The following ESRRG variants were observed in gnomAD, a reference collection of about 807,000 sequenced individuals.
ESRRG encodes estrogen-related receptor gamma.
ESRRG carries 13 observed loss-of-function variants against 44.0 expected under a neutral mutation model. The observed-to-expected ratio is 0.30, with a 90% CI of 0.19 to 0.47. The LOEUF (loss-of-function observed/expected upper bound fraction) is 0.47. Ranked by LOEUF, ESRRG falls within the 20% of genes least tolerant of loss-of-function variation. The probability of loss-of-function intolerance (pLI) is 1.00; values close to 1 mark genes in which losing one functional copy is unlikely to be tolerated. For missense variants in ESRRG, 395 were observed against 580.6 expected, an observed-to-expected ratio of 0.68 and a Z score of 3.29; for synonymous variants, 215 against 214.6, an observed-to-expected ratio of 1.00 and a Z score of -0.02.
intron 1 of ESRRG, among the ~76,000 whole-genome samples, chr1:216,988,817 A>C (rs1181245193): frequency 2.0e-5 from 3 of 152,150 alleles, no homozygotes; most frequent in Non-Finnish European, 2.9e-5. Context: ...TTAGTCATTT[A>C]CCACAGCCCC....
At chr1:217,105,198 A>C (rs561264471) in intron 1 of ESRRG, among the ~76,000 whole-genome samples, 1 of 152,274 alleles carries the variant, frequency 6.6e-6, no homozygotes, top group African/African-American at 2.4e-5. Flanking sequence ...CTGGTATCCT[A>C]ACTTCAATAA....
chr1:217,131,500 T>G (rs1488396526), intron 1 of ESRRG, among the ~76,000 whole-genome samples: 1 of 152,240 alleles, frequency 6.6e-6, no homozygotes, highest in African/African-American at 2.4e-5. Context: ...CAAACATATC[T>G]GGTTCATGTG....
intron 2 of ESRRG, among the ~76,000 whole-genome samples, chr1:216,824,589 A>G (rs1479119262): frequency 1.3e-5 from 2 of 152,024 alleles, no homozygotes; most frequent in Non-Finnish European, 2.9e-5. Flanking sequence ...TCTCCAACAT[A>G]CTAAGTTATA....
chr1:216,996,719 T>C (rs908401735), intron 1 of ESRRG, among the ~76,000 whole-genome samples: 11 of 152,104 alleles, frequency 7.2e-5, no homozygotes, highest in Non-Finnish European at 1.2e-4. Context: ...AAAACACTAT[T>C]ATAGCAATAT....
At chr1:216,804,370 G>A (rs1266039260) in intron 2 of ESRRG, among the ~76,000 whole-genome samples, 1 of 152,128 alleles carries the variant, frequency 6.6e-6, no homozygotes, top group African/African-American at 2.4e-5. Flanking sequence ...TGACAGCAAG[G>A]ATGCCGGCTA....
At chr1:216,853,022 A>C (rs2095865294) in intron 2 of ESRRG, among the ~76,000 whole-genome samples, 1 of 152,170 alleles carries the variant, frequency 6.6e-6, no homozygotes. Context: ...CTCTCAGCCT[A>C]TTAGAACCCC....
intron 3 of ESRRG, among the ~76,000 whole-genome samples, chr1:216,648,587 A>G (rs1200495727): frequency 1.3e-5 from 2 of 152,152 alleles, no homozygotes; most frequent in Admixed American, 1.3e-4. Context: ...TAGAAATCAC[A>G]ATGGAAAAAA....
intron 3 of ESRRG, among the ~76,000 whole-genome samples, chr1:216,587,146 A>G (rs1478016983): frequency 6.6e-6 from 1 of 152,216 alleles, no homozygotes; most frequent in Non-Finnish European, 1.5e-5. Context: ...TGTCTATGAA[A>G]TAGACAAGAA....
At chr1:216,582,706 A>C (rs1458420672) in intron 3 of ESRRG, among the ~76,000 whole-genome samples, 1 of 152,194 alleles carries the variant, frequency 6.6e-6, no homozygotes, top group Non-Finnish European at 1.5e-5. Flanking sequence ...ATTTTCATTC[A>C]GATTACACCA....
At chr1:216,641,000 C>G (rs1311946809) in intron 3 of ESRRG, among the ~76,000 whole-genome samples, 1 of 151,974 alleles carries the variant, frequency 6.6e-6, no homozygotes, top group Non-Finnish European at 1.5e-5. Context: ...TTTTTTTAAT[C>G]CAAAAAGAAT....
chr1:216,695,079 T>C (rs1262153405), intron 1 of ESRRG, among the ~76,000 whole-genome samples: 3 of 152,024 alleles, frequency 2.0e-5, no homozygotes, highest in Admixed American at 6.6e-5. Context: ...GAAAAGAGAA[T>C]GAAAAGAAAG....
At chr1:217,084,222 A>G (rs962309494) in intron 1 of ESRRG, among the ~76,000 whole-genome samples, 3 of 152,148 alleles carry the variant, frequency 2.0e-5, no homozygotes, top group Non-Finnish European at 4.4e-5. Context: ...AATGTTTACA[A>G]TGTAAAAACT....
chr1:216,736,634 G>T (rs1052926291), intron 2 of ESRRG, among the ~76,000 whole-genome samples: 2 of 152,088 alleles, frequency 1.3e-5, no homozygotes, highest in Non-Finnish European at 2.9e-5. Flanking sequence ...AATGGTTTTT[G>T]GTCATCTGTA....
intron 2 of ESRRG, among the ~76,000 whole-genome samples, chr1:216,659,062 C>T (rs1165802425): frequency 6.6e-6 from 1 of 152,112 alleles, no homozygotes; most frequent in African/African-American, 2.4e-5. Context: ...ATCATATCTG[C>T]TTTATAACTT....
At chr1:216,526,149 T>G (rs1434696207) in intron 5 of ESRRG, among the ~76,000 whole-genome samples, 1 of 152,056 alleles carries the variant, frequency 6.6e-6, no homozygotes, top group African/African-American at 2.4e-5. Context: ...GAACTATAAC[T>G]TTGAGGTCTA....
In ESRRG at chr1:217,080,546, TAA is replaced by T. The variant is rs2091657800; in HGVS notation, c.-106+8959_-106+8960del. 2.6e-5 allele frequency among the ~76,000 whole-genome samples: 4 copies of T among 152,230 alleles called. No individual in the cohort carries two copies. The East Asian group carries it at 7.7e-4, about 29-fold the overall frequency. Reference sequence around the variant, plus strand: ...ACACTGTAGCCCTGATGAATTCTGGTAAAAGTGATTAAATATTTACTTTTTAA... The same window carrying T: ...ACACTGTAGCCCTGATGAATTCTGGTAAGTGATTAAATATTTACTTTTTAA... On this transcript the variant is annotated intron_variant, in intron 1 of 7. Transcript: ENST00000359162.
intron 2 of ESRRG, among the ~76,000 whole-genome samples, chr1:216,849,741 T>G (rs560541610): frequency 6.6e-6 from 1 of 152,068 alleles, no homozygotes; most frequent in Non-Finnish European, 1.5e-5. Flanking sequence ...TGTCAACTAC[T>G]TTAGTAGAAA....
At chr1:216,819,278 T>C (rs1198624462) in intron 2 of ESRRG, among the ~76,000 whole-genome samples, 1 of 152,202 alleles carries the variant, frequency 6.6e-6, no homozygotes, top group South Asian at 2.1e-4. Flanking sequence ...TGTTTGCATA[T>C]GCTTATTTCT....
chr1:216,945,867 G>A (rs138402626), intron 1 of ESRRG, among the ~76,000 whole-genome samples: 21 of 152,276 alleles, frequency 1.4e-4, no homozygotes, highest in Middle Eastern at 6.8e-3. Context: ...TGGTTGGTCT[G>A]ATCAAAACTG....
Sources: allele counts gnomAD v4.1 joint callset (sites outside exome capture counted in the v4.1 genomes callset), GRCh38; gene constraint gnomAD v4.1.1; transcripts MANE v1.5; gene names NCBI Gene and HGNC (gene_info 2026-07-23, HGNC 2026-07-21).